RAP1GDS1: variants seen among roughly 807,000 people sequenced by gnomAD.
The protein encoded by RAP1GDS1 is RAP1, GTP-GDP dissociation stimulator 1.
In RAP1GDS1, 35 loss-of-function variants were observed where a neutral mutation model predicts 71.1. The observed-to-expected ratio is 0.49, with a 90% confidence interval of 0.38 to 0.65. The LOEUF is 0.65. Among genes scored for constraint, RAP1GDS1 ranks in the 30% least tolerant of loss-of-function variants. RAP1GDS1 has a pLI of 0.00. For synonymous variants in RAP1GDS1, 229 were observed against 243.1 expected, an observed-to-expected ratio of 0.94 and a Z score of 0.54; for missense variants, 663 against 706.1, an observed-to-expected ratio of 0.94 and a Z score of 0.69.
intron 4 of RAP1GDS1, among the ~76,000 whole-genome samples, chr4:98,374,660 A>C (rs1740894749): frequency 6.6e-6 from 1 of 152,212 alleles, no homozygotes; most frequent in Non-Finnish European, 1.5e-5. Context: ...AAGCCAGTCT[A>C]GTCAGGAGTC....
intron 3 of RAP1GDS1, among the ~76,000 whole-genome samples, chr4:98,348,211 T>C (rs935888842): frequency 4.6e-5 from 7 of 151,704 alleles, no homozygotes; most frequent in African/African-American, 1.7e-4. Context: ...TGAGAACATG[T>C]GGTGTTTGTT....
intron 4 of RAP1GDS1, among the ~76,000 whole-genome samples, chr4:98,366,685 T>C (rs1273858766): frequency 6.6e-6 from 1 of 152,120 alleles, no homozygotes; most frequent in African/African-American, 2.4e-5. Context: ...AATGAAAAAC[T>C]TGTTGGAAAC....
intron 1 of RAP1GDS1, among the ~76,000 whole-genome samples, chr4:98,277,564 CT>C (rs1188713206): frequency 6.6e-6 from 1 of 152,102 alleles, no homozygotes; most frequent in East Asian, 1.9e-4. Context: ...CTGTTTTCTT[CT>C]GTCTTCTTAG....
In RAP1GDS1 at chr4:98,392,090, A is replaced by G. The variant is rs1743785859; in HGVS notation, c.637+10A>G. 3 of 1,603,632 alleles carry G rather than the reference A, an allele frequency of 1.9e-6. No individual in the cohort carries two copies. The African/African-American group carries it at 4.0e-5, about 22-fold the overall frequency. On this transcript the variant is annotated intron_variant, in intron 6 of 14. Transcript: ENST00000408927. ...AATTTAGCAGAACTTGGTAAGTCTT[A>G]GTCATGAACCACAAATGTAATTAAC...
chr4:98,405,165 G>T (rs897891038), intron 7 of RAP1GDS1, among the ~76,000 whole-genome samples: 1 of 152,128 alleles, frequency 6.6e-6, no homozygotes, highest in Non-Finnish European at 1.5e-5. Context: ...GGAATTATTA[G>T]ACACTGATTC....
intron 12 of RAP1GDS1, among the ~76,000 whole-genome samples, chr4:98,426,950 C>T (rs2110204357): frequency 6.6e-6 from 1 of 152,208 alleles, no homozygotes; most frequent in Non-Finnish European, 1.5e-5. Context: ...CCCTGATGAA[C>T]ATAGATACAA....
intron 2 of RAP1GDS1, among the ~76,000 whole-genome samples, chr4:98,301,076 T>G (rs543688798): frequency 6.6e-6 from 1 of 152,312 alleles, no homozygotes; most frequent in Non-Finnish European, 1.5e-5. Flanking sequence ...AAATTATTAT[T>G]TTATTCTTTC....
chr4:98,410,301 T>G (rs1560976978), intron 7 of RAP1GDS1, among the ~76,000 whole-genome samples: 1 of 152,158 alleles, frequency 6.6e-6, no homozygotes. Context: ...AGATTTATAT[T>G]AAGTCCAACA....
chr4:98,434,188 C>A, intron 13 of RAP1GDS1, 126 bp downstream of exon 13: 1 of 1,139,706 alleles, frequency 8.8e-7, no homozygotes, highest in East Asian at 2.5e-5. Flanking sequence ...GTACCGTTCT[C>A]TGAATCTATG....
intron 4 of RAP1GDS1, among the ~76,000 whole-genome samples, chr4:98,356,417 C>A (rs1044218337): frequency 7.2e-5 from 11 of 151,974 alleles, no homozygotes; most frequent in African/African-American, 2.7e-4. Context: ...GTTAAATTCC[C>A]ATCCTGTATT....
At chr4:98,306,021 A>G (rs1729272709) in intron 2 of RAP1GDS1, among the ~76,000 whole-genome samples, 1 of 152,166 alleles carries the variant, frequency 6.6e-6, no homozygotes, top group South Asian at 2.1e-4. Flanking sequence ...ATACTTGGGG[A>G]AAAAGAGATG....
chr4:98,280,216 G>T (rs1038717018), intron 1 of RAP1GDS1, among the ~76,000 whole-genome samples: 4 of 152,128 alleles, frequency 2.6e-5, no homozygotes, highest in Non-Finnish European at 4.4e-5. Flanking sequence ...CTAGTTTACA[G>T]TCCCACCAAC....
intron 1 of RAP1GDS1, among the ~76,000 whole-genome samples, chr4:98,289,772 T>A (rs1726653907): frequency 6.6e-6 from 1 of 152,146 alleles, no homozygotes; most frequent in Non-Finnish European, 1.5e-5. Context: ...GAGAGATTGC[T>A]ATTATTTCCA....
chr4:98,411,394 T>C (rs1747043261), intron 7 of RAP1GDS1, among the ~76,000 whole-genome samples: 1 of 152,196 alleles, frequency 6.6e-6, no homozygotes, highest in Non-Finnish European at 1.5e-5. Context: ...GGCAGAAGGA[T>C]TGCTTGAGCC....
chr4:98,302,932 G>C (rs898161236), intron 2 of RAP1GDS1, among the ~76,000 whole-genome samples: 8 of 152,050 alleles, frequency 5.3e-5, no homozygotes, highest in Non-Finnish European at 8.8e-5. Context: ...TGTAATCCTA[G>C]CTACCTGGGA....
Position 98,442,006 on chromosome 4 carries a change from A to G in RAP1GDS1, c.1713A>G (p.Glu571=), listed in dbSNP as rs2110235108. The stretch of plus-strand genomic sequence containing the variant: ...GTCTTCCAGAATGTCTACACAAGGA[A>G]GTACAGGATTTGGCTTTTCTAGATG... ...ALMGSECLHK[E]VQDLAFLDVV... is the part of the protein sequence containing the mutation. The change falls in exon 15 of 15, where the codon GAA becomes GAG. Residue 571 remains glutamate (E), a synonymous_variant. Transcript: ENST00000408927. The G allele has an allele frequency of 1.9e-6, 3 of 1,614,010 alleles. No individual in the cohort carries two copies. The highest frequency in any genetic ancestry group is 1.1e-5 in the South Asian group (1 of 91,080).
rs562432958 is a variant in RAP1GDS1, at chr4:98,303,566, G to C, written c.112+10051G>C. On this transcript the variant is annotated intron_variant, in intron 2 of 14. Coordinates refer to ENST00000408927, the MANE Select transcript of RAP1GDS1 (RefSeq NM_001100427.2). ...GCTGATCAAAGTGCTTATAAGACTT[G>C]GGCCAGTCAGTGTGATATGATGGAA... 3.0e-4 allele frequency among the ~76,000 whole-genome samples: 45 copies of C among 149,468 alleles called. No homozygotes were observed. The South Asian group carries it at 9.2e-3, about 31-fold the overall frequency.
At chr4:98,429,688 A>G (rs1750125697) in intron 12 of RAP1GDS1, among the ~76,000 whole-genome samples, 1 of 152,236 alleles carries the variant, frequency 6.6e-6, no homozygotes, top group South Asian at 2.1e-4. Context: ...TAATGTTTTA[A>G]GAAAGCTACG....
At chr4:98,398,856 A>C (rs1451651786) in intron 6 of RAP1GDS1, among the ~76,000 whole-genome samples, 1 of 152,200 alleles carries the variant, frequency 6.6e-6, no homozygotes, top group Non-Finnish European at 1.5e-5. Flanking sequence ...TATAGGAATA[A>C]ACTTAACCAA....
Sources: gnomAD v4.1 joint callset for allele counts (sites outside exome capture counted in the v4.1 genomes callset) on GRCh38, gnomAD v4.1.1 for gene constraint, MANE v1.5 for transcripts, NCBI Gene and HGNC (gene_info 2026-07-23, HGNC 2026-07-21) for gene names.